Variants in CP observed in about 807,000 individuals in gnomAD.
CP encodes the protein caeruloplasmin.
In CP, 64 loss-of-function variants were observed where a neutral mutation model predicts 122.4. The ratio of observed to expected loss-of-function variants is 0.52; its 90% CI spans 0.43 to 0.64. The LOEUF is 0.64. Among genes scored for constraint, CP ranks in the 30% least tolerant of loss-of-function variants. The pLI is 0.00. For synonymous variants in CP, 440 were observed against 436.4 expected (o/e 1.01, Z -0.10); for missense variants, 1,167 against 1,284.4 (o/e 0.91, Z 1.40).
Position 149,209,478 on chromosome 3 carries a change from T to C in CP, c.608-94A>G, listed in dbSNP as rs575027158. On this transcript the variant is annotated intron_variant, in intron 3 of 18. Coordinates refer to ENST00000264613, the MANE Select transcript of CP (RefSeq NM_000096.4). ...GATTTATAGTTTTTAAAAATGTTAG[T>C]ATTTATTTTTTCGAATAAATCACAA... is the stretch of plus-strand genomic sequence containing the variant. 4.6e-6 allele frequency: 6 copies of C among 1,307,438 alleles called. No individual in the cohort carries two copies. In the Admixed American group the frequency reaches 9.2e-5, roughly 20 times the overall value. 81.0% of individuals were successfully genotyped at this position (1,307,438 alleles called of 1,614,324 possible).
chr3:149,218,869 C>T (rs915474955), intron 1 of CP, among the ~76,000 whole-genome samples: 8 of 152,162 alleles, frequency 5.3e-5, no homozygotes, highest in Admixed American at 5.2e-4. Context: ...TCAGCTTAAA[C>T]TCGATTCTTT....
intron 13 of CP, among the ~76,000 whole-genome samples, chr3:149,182,528 A>G (rs1457378794): frequency 6.6e-6 from 1 of 152,138 alleles, no homozygotes; most frequent in Non-Finnish European, 1.5e-5. Context: ...GGGGTTGAGG[A>G]TAACCAAGCC....
At chr3:149,180,119 T>C (rs1725682574) in intron 14 of CP, 1 of 194,086 alleles carries the variant, frequency 5.2e-6, no homozygotes, top group Non-Finnish European at 1.1e-5. Flanking sequence ...AGCTTCAGCA[T>C]TGGCTTCCTT....
At chr3:149,172,316 T>TCACACACACACAC (rs1200676922), downstream of CP, 2 of 681,198 alleles carry the variant, frequency 2.9e-6, no homozygotes, top group African/African-American at 5.2e-5. Context: ...TTATTTTATA[T>TCACACACACACAC]ATCACACACA....
Position 149,209,281 on chromosome 3 carries a change from T to C in CP, c.711A>G (p.Lys237=). The C allele has an allele frequency of 6.2e-7, 1 of 1,613,822 alleles. No individual in the cohort carries two copies. The highest frequency in any genetic ancestry group is 8.5e-7 in the Non-Finnish European group (1 of 1,179,794). The change falls in exon 4 of 19, where the codon AAA becomes AAG. Residue 237 remains lysine (K), a synonymous_variant. Transcript: ENST00000264613. The part of the protein sequence containing the change: ...NFSWYLEDNI[K]TYCSEPEKVD... ...CTTTCTCTGGTTCTGAGCAGTAGGT[T>C]TTAATGTTGTCTTCTAGGTACCAGC... is the stretch of plus-strand genomic sequence containing the variant.
chr3:149,179,527 T>C, intron 15 of CP, 29 bp downstream of exon 15: 1 of 1,499,742 alleles, frequency 6.7e-7, no homozygotes, highest in Non-Finnish European at 9.3e-7. Context: ...TTTTGGGAAG[T>C]GTCACAAAAC....
chr3:149,208,431 C>A (rs1023428627), intron 4 of CP, among the ~76,000 whole-genome samples: 3 of 152,118 alleles, frequency 2.0e-5, no homozygotes, highest in Non-Finnish European at 2.9e-5. Context: ...GAAAGAGGAC[C>A]TTCCACCCAG....
intron 11 of CP, chr3:149,186,132 A>G (rs1300372437): frequency 1.4e-5 from 4 of 282,362 alleles, no homozygotes; most frequent in African/African-American, 4.4e-5. Flanking sequence ...CTTGCAACCA[A>G]CAAGCCAACA....
downstream of CP, among the ~76,000 whole-genome samples, chr3:149,167,592 T>A (rs1559927414): frequency 6.6e-6 from 1 of 152,198 alleles, no homozygotes; most frequent in Admixed American, 6.5e-5. Flanking sequence ...TTTTTCTTCA[T>A]TCCTTCCTTC....
intron 7 of CP, 21 bp downstream of exon 7, chr3:149,202,081 A>G (rs1727364626): frequency 6.2e-7 from 1 of 1,613,738 alleles, no homozygotes. Flanking sequence ...AACCAGCCAT[A>G]TATATTCTGC....
intron 7 of CP, 68 bp from the exon 8 acceptor site, chr3:149,199,932 C>T: frequency 6.7e-7 from 1 of 1,499,256 alleles, no homozygotes; most frequent in South Asian, 1.1e-5. Flanking sequence ...AGATAGTTAT[C>T]TTCTTTGACT....
chr3:149,168,748 G>A (rs768834962), downstream of CP, among the ~76,000 whole-genome samples: 28 of 152,186 alleles, frequency 1.8e-4, no homozygotes, highest in Admixed American at 9.8e-4. Context: ...TGTCCTACCC[G>A]TCTCCCTGAT....
intron 2 of CP, among the ~76,000 whole-genome samples, chr3:149,211,536 CT>C (rs1363766334): frequency 1.3e-5 from 2 of 152,164 alleles, no homozygotes; most frequent in East Asian, 3.8e-4. Flanking sequence ...CAAACCTTAT[CT>C]TTGTTTTTCA....
At chr3:149,196,326 AG>A (rs1394135449) in intron 9 of CP, among the ~76,000 whole-genome samples, 1 of 152,220 alleles carries the variant, frequency 6.6e-6, no homozygotes, top group Non-Finnish European at 1.5e-5. Context: ...AAATTTGAAT[AG>A]AAAGTATAAG....
At chr3:149,167,359 G>A in intron 4 of CP, 1 of 783,394 alleles carries the variant, frequency 1.3e-6, no homozygotes, top group South Asian at 1.5e-5. Context: ...AAGGCTGTGT[G>A]GGTCCATTGA....
intron 4 of CP, among the ~76,000 whole-genome samples, chr3:149,166,217 C>G (rs1464434768): frequency 6.6e-6 from 1 of 152,216 alleles, no homozygotes; most frequent in Non-Finnish European, 1.5e-5. Context: ...TGAGATAATA[C>G]TGCTCCCTGT....
intron 1 of CP, among the ~76,000 whole-genome samples, chr3:149,218,410 T>G (rs1728598601): frequency 6.6e-6 from 1 of 152,204 alleles, no homozygotes; most frequent in South Asian, 2.1e-4. Flanking sequence ...TAAATAGCAG[T>G]ACTGAGTATA....
chr3:149,181,984 C>CGGGGGG, intron 14 of CP, 21 bp downstream of exon 14: 1 of 565,076 alleles, frequency 1.8e-6, no homozygotes, highest in Non-Finnish European at 3.3e-6. Context: ...GCACCACCCC[C>CGGGGGG]ACCCCCGCCC....
At chr3:149,193,997 A>G (rs370922091) in intron 9 of CP, among the ~76,000 whole-genome samples, 1 of 152,216 alleles carries the variant, frequency 6.6e-6, no homozygotes, top group South Asian at 2.1e-4. Context: ...GGTAAATCTC[A>G]TTTTAAATCT....
Sources: allele counts gnomAD v4.1 joint callset (sites outside exome capture counted in the v4.1 genomes callset), GRCh38; gene constraint gnomAD v4.1.1; transcripts MANE v1.5; gene names NCBI Gene and HGNC (gene_info 2026-07-23, HGNC 2026-07-21).